GSG1L: variants seen among roughly 807,000 people sequenced by gnomAD.
GSG1L encodes the protein germ cell-specific gene 1-like protein.
A neutral mutation model predicts 42.1 loss-of-function variants in GSG1L; 24 were observed. That is an observed-to-expected ratio of 0.57 (90% confidence interval 0.41 to 0.80). The LOEUF (loss-of-function observed/expected upper bound fraction) is 0.80, where lower values mean the gene tolerates loss of function less well. GSG1L is among the 30% of genes least tolerant of loss of function. GSG1L has a pLI of 0.00. For synonymous variants in GSG1L, 215 were observed against 203.5 expected, an observed-to-expected ratio of 1.06 and a Z score of -0.48; for missense variants, 445 against 472.2, an observed-to-expected ratio of 0.94 and a Z score of 0.53.
intron 2 of GSG1L, among the ~76,000 whole-genome samples, chr16:27,928,194 C>T (rs2084616728): frequency 6.6e-6 from 1 of 152,190 alleles, no homozygotes; most frequent in Admixed American, 6.5e-5. Flanking sequence ...CTCACAAAAA[C>T]CCTATCAGGT....
At chr16:28,029,000 C>A (rs2085928342) in intron 1 of GSG1L, among the ~76,000 whole-genome samples, 1 of 152,188 alleles carries the variant, frequency 6.6e-6, no homozygotes, top group African/African-American at 2.4e-5. Context: ...CCAGGCGACC[C>A]ACATCAGCTG....
At chr16:28,044,315 A>T (rs79525913) in intron 1 of GSG1L, among the ~76,000 whole-genome samples, 1 of 86,776 alleles carries the variant, frequency 1.2e-5, no homozygotes, top group Admixed American at 1.1e-4. Flanking sequence ...GAGAGAAAGA[A>T]GGAAAGAAGG....
At chr16:27,987,895 C>T (rs555422726) in intron 1 of GSG1L, among the ~76,000 whole-genome samples, 2 of 127,140 alleles carry the variant, frequency 1.6e-5, no homozygotes, top group African/African-American at 3.0e-5. Flanking sequence ...TGCAGTGAGC[C>T]GAAATCGTGC....
rs186589354 is a variant in GSG1L, at chr16:27,893,159, A to G, written c.398-8521T>C. Among the ~76,000 whole-genome samples, 3 of 152,294 alleles carry G rather than the reference A, an allele frequency of 2.0e-5. No homozygotes were observed. The East Asian group carries it at 5.8e-4, about 29-fold the overall frequency. On this transcript the variant is annotated intron_variant, in intron 2 of 6. Coordinates refer to ENST00000447459, the MANE Select transcript of GSG1L (RefSeq NM_001109763.2). ...TCCAGGGGGCAGAAGGAATGAAATG[A>G]TTTCTCATCAGGTGTGGGGCCAGGA...
intron 3 of GSG1L, among the ~76,000 whole-genome samples, chr16:27,857,254 C>T (rs1674311126): frequency 1.3e-5 from 2 of 151,968 alleles, no homozygotes; most frequent in African/African-American, 4.8e-5. Context: ...TGGTGAAACC[C>T]CATCTCTACT....
chr16:27,960,554 G>A (rs774184854), intron 2 of GSG1L, among the ~76,000 whole-genome samples: 6 of 152,216 alleles, frequency 3.9e-5, no homozygotes, highest in East Asian at 3.9e-4. Flanking sequence ...ATCCAACCCC[G>A]CACACTTGTT....
At chr16:28,007,301 A>G (rs1467545242) in intron 1 of GSG1L, among the ~76,000 whole-genome samples, 1 of 152,196 alleles carries the variant, frequency 6.6e-6, no homozygotes, top group Non-Finnish European at 1.5e-5. Context: ...CAAAGGTTAG[A>G]GTGACGGGCT....
chr16:27,900,252 C>T (rs79123822), intron 2 of GSG1L, among the ~76,000 whole-genome samples: 19,107 of 152,194 alleles, frequency 0.13, 1,817 homozygotes, highest in Admixed American at 0.25. Flanking sequence ...CACGGAGGGC[C>T]AAGCACCGAG....
chr16:27,951,944 TC>T (rs1401007030), intron 2 of GSG1L, among the ~76,000 whole-genome samples: 4 of 152,152 alleles, frequency 2.6e-5, no homozygotes, highest in Non-Finnish European at 5.9e-5. Context: ...TTGTTACACA[TC>T]CCTGAAATAT....
At chr16:28,042,797 G>A (rs947568485) in intron 1 of GSG1L, among the ~76,000 whole-genome samples, 5 of 152,140 alleles carry the variant, frequency 3.3e-5, no homozygotes, top group African/African-American at 4.8e-5. Context: ...ATGTGTTTGC[G>A]TCCCTAAGAA....
At chr16:27,833,737 G>A (rs147544197) in intron 4 of GSG1L, among the ~76,000 whole-genome samples, 40 of 151,926 alleles carry the variant, frequency 2.6e-4, no homozygotes, top group South Asian at 1.0e-3. Context: ...TTTGTTGTCC[G>A]AATGTTCATT....
intron 2 of GSG1L, among the ~76,000 whole-genome samples, chr16:27,947,489 G>T (rs1051316280): frequency 6.8e-6 from 1 of 146,832 alleles, no homozygotes; most frequent in Non-Finnish European, 1.5e-5. Context: ...AAGGAAGAAA[G>T]AAAGAAAGAG....
At chr16:28,022,975 C>T (rs1278871951) in intron 1 of GSG1L, among the ~76,000 whole-genome samples, 4 of 151,986 alleles carry the variant, frequency 2.6e-5, no homozygotes, top group East Asian at 1.9e-4. Flanking sequence ...CAGCCAACAA[C>T]CAGTTAATTT....
intron 1 of GSG1L, among the ~76,000 whole-genome samples, chr16:28,035,200 T>C (rs1020534079): frequency 1.3e-5 from 2 of 151,998 alleles, no homozygotes; most frequent in East Asian, 3.9e-4. Context: ...GTTTTTGTTT[T>C]TGTTTTAGCG....
At chr16:27,893,264 C>A (rs2084150390) in intron 2 of GSG1L, among the ~76,000 whole-genome samples, 1 of 152,142 alleles carries the variant, frequency 6.6e-6, no homozygotes, top group Admixed American at 6.5e-5. Context: ...CCCTTCATTG[C>A]TGGGATTGAT....
chr16:27,985,374 G>A (rs746056026), intron 1 of GSG1L, among the ~76,000 whole-genome samples: 16 of 152,054 alleles, frequency 1.1e-4, no homozygotes, highest in Non-Finnish European at 1.9e-4. Context: ...AAAAGAGCCT[G>A]CACCTCCTCC....
At chr16:27,870,491 C>T (rs1305557670) in intron 3 of GSG1L, among the ~76,000 whole-genome samples, 1 of 151,350 alleles carries the variant, frequency 6.6e-6, no homozygotes, top group Non-Finnish European at 1.5e-5. Context: ...GTGTCTCCCT[C>T]TGTCCCAGGG....
chr16:27,835,817 C>T (rs191842840), intron 4 of GSG1L, among the ~76,000 whole-genome samples: 1 of 152,188 alleles, frequency 6.6e-6, no homozygotes, highest in African/African-American at 2.4e-5. Context: ...ATATAATTGT[C>T]TTAAATATTT....
intron 6 of GSG1L, among the ~76,000 whole-genome samples, chr16:27,803,816 G>A (rs201697305): frequency 7.1e-6 from 1 of 140,768 alleles, no homozygotes; most frequent in Non-Finnish European, 1.5e-5. Context: ...TATAGATATA[G>A]ATATAGATAT....
Sources: gnomAD v4.1 joint callset for allele counts (sites outside exome capture counted in the v4.1 genomes callset) on GRCh38, gnomAD v4.1.1 for gene constraint, MANE v1.5 for transcripts, NCBI Gene and HGNC (gene_info 2026-07-23, HGNC 2026-07-21) for gene names.